The following TMEM131 variants were observed in gnomAD, a reference collection of about 807,000 sequenced individuals.
TMEM131 encodes the protein 2610524E03Rik.
In TMEM131, 66 loss-of-function variants were observed where a neutral mutation model predicts 211.6. The observed-to-expected ratio is 0.31, with a 90% confidence interval of 0.26 to 0.38. The LOEUF (loss-of-function observed/expected upper bound fraction) is 0.38, where lower values mean the gene tolerates loss of function less well. Among genes scored for constraint, TMEM131 ranks in the 10% least tolerant of loss-of-function variants. The pLI is 1.00. For synonymous variants in TMEM131, 844 were observed against 841.3 expected (o/e 1.00, Z -0.06); for missense variants, 2,036 against 2,299.3 (o/e 0.89, Z 2.34).
At chr2:97,846,287 A>G (rs866541442) in intron 5 of TMEM131, among the ~76,000 whole-genome samples, 3 of 152,214 alleles carry the variant, frequency 2.0e-5, no homozygotes, top group South Asian at 2.1e-4. Context: ...TAGAAACACA[A>G]CTTTCCACAA....
chr2:97,793,218 C>T (rs1447173907), intron 30 of TMEM131, 177 bp downstream of exon 30: 1 of 682,120 alleles, frequency 1.5e-6, no homozygotes, highest in Non-Finnish European at 2.4e-6. Flanking sequence ...ATAATAAAAA[C>T]ACAGTATCCA....
intron 31 of TMEM131, among the ~76,000 whole-genome samples, chr2:97,780,110 T>C (rs1389835477): frequency 6.6e-6 from 1 of 152,008 alleles, no homozygotes; most frequent in Admixed American, 6.6e-5. Flanking sequence ...TAGGTATAAA[T>C]TCTATCCAGG....
At chr2:97,872,893 A>G (rs1192451258) in intron 4 of TMEM131, among the ~76,000 whole-genome samples, 2 of 152,136 alleles carry the variant, frequency 1.3e-5, no homozygotes, top group African/African-American at 4.8e-5. Flanking sequence ...GCAAGACAGA[A>G]CCATTCACTC....
At chr2:97,949,830 A>C (rs547782887) in intron 1 of TMEM131, among the ~76,000 whole-genome samples, 1 of 151,508 alleles carries the variant, frequency 6.6e-6, no homozygotes, top group East Asian at 1.9e-4. Flanking sequence ...AAAAAAAAAA[A>C]AAAAAAAAAG....
At chr2:97,784,635 AC>A (rs1470029580) in intron 31 of TMEM131, among the ~76,000 whole-genome samples, 1 of 151,872 alleles carries the variant, frequency 6.6e-6, no homozygotes, top group Non-Finnish European at 1.5e-5. Flanking sequence ...CTAAAAGCAT[AC>A]ATAAAACGGG....
Position 97,935,526 on chromosome 2 carries a change from G to A in TMEM131, c.188-8039C>T, listed in dbSNP as rs772700728. Reference sequence around the variant, plus strand: ...TTTTTGTAATAGTGATTCTTAAATGGGTTAATATTTATAATATTAAGATAA... The same window carrying A: ...TTTTTGTAATAGTGATTCTTAAATGAGTTAATATTTATAATATTAAGATAA... On this transcript the variant is annotated intron_variant, in intron 1 of 40. Transcript: ENST00000186436. Among the ~76,000 whole-genome samples the A allele has an allele frequency of 7.6e-4, 115 of 152,062 alleles. 2 individuals are homozygous for A. Among genetic ancestry groups the A allele is most frequent in the Middle Eastern group, 3.4e-3 (1 of 294 alleles).
intron 31 of TMEM131, among the ~76,000 whole-genome samples, chr2:97,777,892 A>G (rs1413087581): frequency 1.3e-5 from 2 of 152,164 alleles, no homozygotes; most frequent in Non-Finnish European, 2.9e-5. Context: ...ACCTACATCG[A>G]AGAGCCAGAG....
intron 11 of TMEM131, chr2:97,827,150 T>TGG (rs1396776044): frequency 8.4e-6 from 5 of 597,042 alleles, no homozygotes; most frequent in Non-Finnish European, 1.2e-5. Flanking sequence ...TTAACAGTGT[T>TGG]GGGGAGGAGT....
chr2:97,761,937 A>C, intron 36 of TMEM131, 98 bp downstream of exon 36: 24 of 1,337,182 alleles, frequency 1.8e-5, no homozygotes, highest in Non-Finnish European at 2.3e-5. Context: ...AACACCAGAC[A>C]GTGGCCTGTG....
At chr2:97,774,256 T>C (rs1363351887) in intron 32 of TMEM131, among the ~76,000 whole-genome samples, 1 of 152,238 alleles carries the variant, frequency 6.6e-6, no homozygotes, top group Non-Finnish European at 1.5e-5. Flanking sequence ...ATGTGGCCTT[T>C]TGTCCACTGT....
At chr2:97,889,719 T>C (rs763293266) in intron 3 of TMEM131, among the ~76,000 whole-genome samples, 13 of 152,042 alleles carry the variant, frequency 8.6e-5, no homozygotes, top group Non-Finnish European at 1.5e-4. Context: ...TTCTGCAAAT[T>C]ACAAATGGAA....
At position 97,943,036 on chromosome 2, in the gene TMEM131, GAAAA is replaced by G. The variant is rs1166668907; in HGVS notation, c.188-15553_188-15550del. 2.5e-4 allele frequency among the ~76,000 whole-genome samples: 8 copies of G among 31,678 alleles called. No homozygotes were observed. The East Asian group carries it at 7.3e-3, about 29-fold the overall frequency. The allele number at this position is 31,678 out of a possible 152,430, so 20.8% of individuals were successfully genotyped here. A position where few individuals can be genotyped will look rare whatever the true frequency, so the allele number is the denominator to read the frequency against. On this transcript the variant is annotated intron_variant, in intron 1 of 40. Coordinates refer to ENST00000186436, the MANE Select transcript of TMEM131 (RefSeq NM_015348.2). Reference sequence around the variant, plus strand: ...GAAAAGAAAAGAAAAGAAAAGAAAAGAAAAGAAAGAAAGAAAGAAAGAAAGAAAG... The same window carrying G: ...GAAAAGAAAAGAAAAGAAAAGAAAAGGAAAGAAAGAAAGAAAGAAAGAAAG...
At chr2:97,995,345 G>T in intron 1 of TMEM131, 131 bp downstream of exon 1, 1 of 920,418 alleles carries the variant, frequency 1.1e-6, no homozygotes, top group Non-Finnish European at 1.4e-6. Flanking sequence ...GTCCCGGCTC[G>T]GGACGGTACC....
chr2:97,762,036 T>G lies in TMEM131; in HGVS notation c.4888A>C (p.Ser1630Arg). 1 of 1,560,120 alleles carries G rather than the reference T, an allele frequency of 6.4e-7. No individual in the cohort carries two copies. The highest frequency in any genetic ancestry group is 8.6e-7 in the Non-Finnish European group (1 of 1,159,548). Reference protein sequence around the residue: ...YSSIVNSSSSSDPKIKQPNGS... With the variant: ...YSSIVNSSSSRDPKIKQPNGS... ...CCGGAAAGGAAGCAGCAGGCCTACC[T>G]GCTGGAGCTGCTGTTGACGATGCTG... Residue 1630 changes from serine to arginine, a missense_variant and splice_region_variant, in exon 36 of 41, where the codon AGT becomes CGT. Around this residue, in one of 3 missense-constraint regions of TMEM131, gnomAD observed 1,623 missense variants for 1,805.9 expected, o/e 0.90. Transcript: ENST00000186436.
Position 97,832,004 on chromosome 2 carries a change from C to CAAAAAAAAAAAAAAAAA in TMEM131, c.1074+1344_1074+1360dup. 3.3e-5 allele frequency among the ~76,000 whole-genome samples: 2 copies of CAAAAAAAAAAAAAAAAA among 60,266 alleles called. 1 individual carries two copies. Among genetic ancestry groups the CAAAAAAAAAAAAAAAAA allele is most frequent in the Non-Finnish European group, 5.8e-5 (2 of 34,740 alleles). The allele number at this position is 60,266 out of a possible 152,430, so 39.5% of individuals were successfully genotyped here. ...TTTTTATAGTTGTGTAAGTCACTTCCAAAAAAAAAAAAAAAAAAAAAAGCA... is the reference window on the plus strand; with the variant it reads ...TTTTTATAGTTGTGTAAGTCACTTCCAAAAAAAAAAAAAAAAAAAAAAAAAAAAAAAAAAAAAAAGCA... On this transcript the variant is annotated intron_variant, in intron 11 of 40. Transcript: ENST00000186436.
At chr2:97,961,026 C>G (rs567769855) in intron 1 of TMEM131, among the ~76,000 whole-genome samples, 2 of 151,818 alleles carry the variant, frequency 1.3e-5, no homozygotes, top group African/African-American at 4.8e-5. Flanking sequence ...ACTTCCTCAG[C>G]GATTATGAAC....
At chr2:97,818,482 A>AAG in intron 12 of TMEM131, 131 bp downstream of exon 12, 1 of 267,258 alleles carries the variant, frequency 3.7e-6, no homozygotes, top group Non-Finnish European at 7.2e-6. Flanking sequence ...GCGGGGGGGG[A>AAG]TCAACCTAAG....
chr2:97,979,899 C>G (rs893039980), intron 1 of TMEM131, among the ~76,000 whole-genome samples: 3 of 152,200 alleles, frequency 2.0e-5, no homozygotes, highest in Non-Finnish European at 4.4e-5. Flanking sequence ...CCTCGCTAAG[C>G]TTAATCATAT....
intron 31 of TMEM131, among the ~76,000 whole-genome samples, chr2:97,776,490 T>C (rs959171087): frequency 6.6e-6 from 1 of 152,246 alleles, no homozygotes; most frequent in African/African-American, 2.4e-5. Context: ...CCATTTGACT[T>C]TGTGATGAGA....
Sources: gnomAD v4.1 joint callset for allele counts (sites outside exome capture counted in the v4.1 genomes callset) on GRCh38, gnomAD v4.1.1 for gene constraint, gnomAD v4.1.1 regional missense constraint, MANE v1.5 for transcripts, NCBI Gene and HGNC (gene_info 2026-07-23, HGNC 2026-07-21) for gene names.